The following MET variants were observed in gnomAD, a reference collection of about 807,000 sequenced individuals.
MET encodes the protein MET proto-oncogene, receptor tyrosine kinase.
MET carries 48 observed loss-of-function variants against 133.1 expected under a neutral mutation model. The observed-to-expected ratio is 0.36, with a 90% CI of 0.29 to 0.46. MET has a LOEUF of 0.46. Ranked by LOEUF, MET falls within the 20% of genes least tolerant of loss-of-function variation. The pLI is 1.00. For synonymous variants in MET, 628 were observed against 616.5 expected (o/e 1.02, Z -0.28); for missense variants, 1,442 against 1,695.9 (o/e 0.85, Z 2.63).
chr7:116,753,209 A>T (rs547103028), intron 5 of MET, among the ~76,000 whole-genome samples: 1 of 152,344 alleles, frequency 6.6e-6, no homozygotes, highest in South Asian at 2.1e-4. Flanking sequence ...GAATTTGGCT[A>T]AAAGCCCTTC....
At chr7:116,711,218 C>T (rs1456451910) in intron 2 of MET, among the ~76,000 whole-genome samples, 1 of 152,188 alleles carries the variant, frequency 6.6e-6, no homozygotes, top group Non-Finnish European at 1.5e-5. Flanking sequence ...GTGTTTCCTG[C>T]TAACCTTATT....
In MET at chr7:116,777,543, G is replaced by A. The variant is rs937623524; in HGVS notation, c.3340+74G>A. ...CCTAATAAATAGCTTATAATAAAAC[G>A]TTGATTTACACTTTCCCCTTGTGGA... On this transcript the variant is annotated intron_variant, in intron 16 of 20. Transcript: ENST00000397752. 99 of 1,374,050 alleles carry A rather than the reference G, an allele frequency of 7.2e-5. 1 individual carries two copies. Among genetic ancestry groups the A allele is most frequent in the Admixed American group, 4.2e-4 (25 of 59,464 alleles). 85.1% of individuals were successfully genotyped at this position (1,374,050 alleles called of 1,614,324 possible).
intron 1 of MET, among the ~76,000 whole-genome samples, chr7:116,677,459 C>T (rs1014903042): frequency 1.3e-5 from 2 of 152,192 alleles, no homozygotes; most frequent in African/African-American, 4.8e-5. Context: ...CACTGCTTGG[C>T]GTGATTAGAG....
At chr7:116,694,734 T>C (rs1319986428) in intron 1 of MET, among the ~76,000 whole-genome samples, 1 of 152,318 alleles carries the variant, frequency 6.6e-6, no homozygotes, top group East Asian at 1.9e-4. Context: ...GTCATCAGGC[T>C]GGAGTGCAGT....
intron 2 of MET, among the ~76,000 whole-genome samples, chr7:116,704,325 C>A (rs28662325): frequency 6.2e-4 from 95 of 152,208 alleles, no homozygotes; most frequent in African/African-American, 2.0e-3. Context: ...CTGAACCCCA[C>A]CGTCTTCTAC....
intron 16 of MET, among the ~76,000 whole-genome samples, chr7:116,777,725 T>C (rs1393097964): frequency 2.0e-5 from 3 of 152,250 alleles, no homozygotes; most frequent in Admixed American, 1.3e-4. Flanking sequence ...ATCATTTAAC[T>C]ATAACTATGT....
At position 116,774,841 on chromosome 7, in the gene MET, T is replaced by C. The variant is rs149364401; in HGVS notation, c.3029-40T>C. ...CTGTTTCAGTCCCCATTAAATGAGG[T>C]TTTACTGTTGTTCTTTAATAATTTT... is the stretch of plus-strand genomic sequence containing the variant. On this transcript the variant is annotated intron_variant, in intron 14 of 20. Transcript: ENST00000397752. 130 of 1,508,808 alleles carry C rather than the reference T, an allele frequency of 8.6e-5. No homozygotes were observed. The African/African-American group carries it at 1.5e-3, about 18-fold the overall frequency. 93.5% of individuals were successfully genotyped at this position (1,508,808 alleles called of 1,614,324 possible).
Position 116,777,346 on chromosome 7 carries a change from T to A in MET, c.3260-43T>A, listed in dbSNP as rs371281495. 1.2e-4 allele frequency: 181 copies of A among 1,456,892 alleles called. 1 individual carries two copies. The African/African-American group carries it at 2.3e-3, about 18-fold the overall frequency. The allele number at this position is 1,456,892 out of a possible 1,614,324, so 90.2% of individuals were successfully genotyped here. A position where few individuals can be genotyped will look rare whatever the true frequency, so the allele number is the denominator to read the frequency against. On this transcript the variant is annotated intron_variant, in intron 15 of 20. Transcript: ENST00000397752. ...GGTTTGATAAATAATTATTTCATAA[T>A]TAAATGTTACGCAGTGCTAACCAAG... is the stretch of plus-strand genomic sequence containing the variant.
intron 2 of MET, among the ~76,000 whole-genome samples, chr7:116,716,490 AAAGAAAGAAAG>A (rs1792231296): frequency 6.9e-6 from 1 of 145,328 alleles, no homozygotes; most frequent in Non-Finnish European, 1.5e-5. Flanking sequence ...AGAAAGAAAG[AAAGAAAGAAAG>A]AAAGAAAGAA....
Position 116,764,297 on chromosome 7 carries a change from G to A in MET, c.2583+1029G>A, listed in dbSNP as rs143823423. 2.7e-3 allele frequency among the ~76,000 whole-genome samples: 405 copies of A among 152,166 alleles called. 1 individual carries two copies. The highest frequency in any genetic ancestry group is 4.2e-3 in the Non-Finnish European group (286 of 67,994). Reference sequence around the variant, plus strand: ...CCAGCATAAAATTGAATGGAAGCCCGCTTCAATGAACAGTGTGTTTACAAA... The same window carrying A: ...CCAGCATAAAATTGAATGGAAGCCCACTTCAATGAACAGTGTGTTTACAAA... On this transcript the variant is annotated intron_variant, in intron 11 of 20. Transcript: ENST00000397752.
chr7:116,729,982 A>C (rs1490327083), intron 2 of MET, among the ~76,000 whole-genome samples: 1 of 152,230 alleles, frequency 6.6e-6, no homozygotes, highest in Non-Finnish European at 1.5e-5. Flanking sequence ...GCTGCTTGGG[A>C]GAAGTTTCAC....
intron 1 of MET, among the ~76,000 whole-genome samples, chr7:116,691,731 T>C (rs1282168201): frequency 1.3e-5 from 2 of 152,106 alleles, no homozygotes; most frequent in Non-Finnish European, 2.9e-5. Flanking sequence ...GTTAACATCA[T>C]CTTTAGTGCT....
chr7:116,692,795 A>C (rs879517306), intron 1 of MET, among the ~76,000 whole-genome samples: 18 of 152,264 alleles, frequency 1.2e-4, no homozygotes, highest in Non-Finnish European at 2.4e-4. Flanking sequence ...AGAAATAAAG[A>C]AATGTTTTAT....
chr7:116,755,245 G>T, intron 5 of MET, 110 bp from the exon 6 acceptor site: 2 of 1,278,314 alleles, frequency 1.6e-6, no homozygotes, highest in East Asian at 5.1e-5. Context: ...GTGGGAAAAT[G>T]AAAGAATTTC....
chr7:116,716,212 C>G (rs1472946515), intron 2 of MET, among the ~76,000 whole-genome samples: 2 of 148,652 alleles, frequency 1.3e-5, no homozygotes, highest in African/African-American at 5.0e-5. Flanking sequence ...AAGATTGTGC[C>G]ACTGCACTGC....
rs1157510767 is a variant in MET at position 116,672,384 on chromosome 7, C to A, written c.-208C>A. 1.1e-5 allele frequency: 4 copies of A among 371,258 alleles called. No individual in the cohort carries two copies. The South Asian group carries it at 3.9e-4, about 36-fold the overall frequency. 23.0% of individuals were successfully genotyped at this position (371,258 alleles called of 1,614,324 possible). A position where few individuals can be genotyped will look rare whatever the true frequency, so the allele number is the denominator to read the frequency against. ...GGGCGGGCGGGGCGCTGGGCTCAGC[C>A]CGGCCGCAGGTGACCCGGAGGCCCT... On this transcript the variant is annotated 5_prime_UTR_variant, in exon 1 of 21. Transcript: ENST00000397752.
chr7:116,687,160 C>T (rs1182585858), intron 1 of MET, among the ~76,000 whole-genome samples: 1 of 152,234 alleles, frequency 6.6e-6, no homozygotes, highest in Non-Finnish European at 1.5e-5. Context: ...CCCATAAATA[C>T]ACATACCGCC....
At chr7:116,740,406 T>C (rs1454042338) in intron 4 of MET, among the ~76,000 whole-genome samples, 1 of 152,186 alleles carries the variant, frequency 6.6e-6, no homozygotes, top group Non-Finnish European at 1.5e-5. Context: ...GAAATGTACA[T>C]TGGAATCCGA....
At chr7:116,682,999 G>T (rs9641563) in intron 1 of MET, among the ~76,000 whole-genome samples, 19,579 of 152,142 alleles carry the variant, frequency 0.13, 2,187 homozygotes, top group African/African-American at 0.31. Flanking sequence ...CCCCACACCT[G>T]TGAGCACCTC....
Sources: allele counts gnomAD v4.1 joint callset (sites outside exome capture counted in the v4.1 genomes callset), GRCh38; gene constraint gnomAD v4.1.1; transcripts MANE v1.5; gene names NCBI Gene and HGNC (gene_info 2026-07-23, HGNC 2026-07-21).